ZFPM2: variants seen among roughly 807,000 people sequenced by gnomAD.
ZFPM2 encodes zinc finger protein, FOG family member 2.
ZFPM2 carries 20 observed loss-of-function variants against 98.6 expected under a neutral mutation model. The observed-to-expected ratio is 0.20, with a 90% CI of 0.14 to 0.29. ZFPM2 has a LOEUF of 0.29. Ranked by LOEUF, ZFPM2 falls within the 10% of genes least tolerant of loss-of-function variation. ZFPM2 has a pLI of 1.00. For synonymous variants in ZFPM2, 518 were observed against 502.7 expected (o/e 1.03, Z -0.41); for missense variants, 1,310 against 1,388.6 (o/e 0.94, Z 0.90).
rs77990129 is a variant in ZFPM2, at chr8:105,499,514, A to G, written c.301+55133A>G. 4.0e-3 allele frequency among the ~76,000 whole-genome samples: 602 copies of G among 152,326 alleles called. 5 individuals are homozygous for G. The highest frequency in any genetic ancestry group is 0.014 in the African/African-American group (581 of 41,580). ...AGAGGAATTTCAGGCAGTGAGTGTA[A>G]TAGATTGGAGTAAAATGTATCTGAA... On this transcript the variant is annotated intron_variant, in intron 3 of 7. Transcript: ENST00000407775.
rs76571961 is a variant in ZFPM2 at position 105,603,070 on chromosome 8, C to T, written c.421-31176C>T. On this transcript the variant is annotated intron_variant, in intron 4 of 7. Transcript: ENST00000407775. The stretch of plus-strand genomic sequence containing the variant: ...ATAGTGATTCATTTCATGATTTTTG[C>T]ATAGTGGAATAGTAGGCATTGTCTC... Among the ~76,000 whole-genome samples the T allele has an allele frequency of 8.0e-3, 1,220 of 152,146 alleles. 17 individuals are homozygous for T. The highest frequency in any genetic ancestry group is 0.014 in the Non-Finnish European group (959 of 67,982).
Position 105,619,544 on chromosome 8 carries a change from T to A in ZFPM2, c.421-14702T>A, listed in dbSNP as rs568121420. Among the ~76,000 whole-genome samples the A allele has an allele frequency of 4.6e-5, 7 of 152,254 alleles. No homozygotes were observed. The East Asian group carries it at 5.8e-4, about 13-fold the overall frequency. On this transcript the variant is annotated intron_variant, in intron 4 of 7. Transcript: ENST00000407775. ...TTATTTTATGATTTTTTAATTTTTTTAAATCATACTTTAAGTTCTAGGGTA... is the reference window on the plus strand; with the variant it reads ...TTATTTTATGATTTTTTAATTTTTTAAAATCATACTTTAAGTTCTAGGGTA...
chr8:105,692,537 A>G (rs567926670), intron 5 of ZFPM2, among the ~76,000 whole-genome samples: 3 of 152,340 alleles, frequency 2.0e-5, no homozygotes, highest in South Asian at 4.1e-4. Context: ...ATGTAATTCA[A>G]TGTAGCATGC....
At chr8:105,637,392 C>T (rs1441374714) in intron 5 of ZFPM2, among the ~76,000 whole-genome samples, 4 of 152,222 alleles carry the variant, frequency 2.6e-5, no homozygotes, top group African/African-American at 9.6e-5. Flanking sequence ...GAAAAAGCCC[C>T]ATGACCAAAT....
intron 3 of ZFPM2, among the ~76,000 whole-genome samples, chr8:105,480,594 G>A (rs900625625): frequency 1.3e-5 from 2 of 152,020 alleles, no homozygotes; most frequent in African/African-American, 4.8e-5. Context: ...TTATACAAGG[G>A]TGGACTACTG....
intron 6 of ZFPM2, among the ~76,000 whole-genome samples, chr8:105,794,978 G>T (rs1284982612): frequency 6.6e-6 from 1 of 152,108 alleles, no homozygotes; most frequent in African/African-American, 2.4e-5. Flanking sequence ...TCCAGGTGCC[G>T]TCTGTCACCC....
chr8:105,346,341 G>T (rs1379341453), intron 1 of ZFPM2, among the ~76,000 whole-genome samples: 1 of 150,634 alleles, frequency 6.6e-6, no homozygotes, highest in East Asian at 1.9e-4. Context: ...CCGAGATCAC[G>T]CCATTGCACT....
chr8:105,362,088 A>AT (rs1158501181), intron 1 of ZFPM2, among the ~76,000 whole-genome samples: 1 of 152,004 alleles, frequency 6.6e-6, no homozygotes, highest in Non-Finnish European at 1.5e-5. Context: ...TGTGCATACT[A>AT]TTTTTTTAAA....
chr8:105,657,385 C>T (rs1230336008), intron 5 of ZFPM2, among the ~76,000 whole-genome samples: 3 of 152,096 alleles, frequency 2.0e-5, no homozygotes, highest in African/African-American at 4.8e-5. Context: ...GTGATCCATC[C>T]GCCTCGGCCT....
At chr8:105,627,515 A>T (rs1257870306) in intron 4 of ZFPM2, among the ~76,000 whole-genome samples, 1 of 152,194 alleles carries the variant, frequency 6.6e-6, no homozygotes, top group Admixed American at 6.5e-5. Context: ...CTGCCTAGAT[A>T]CAGACAAAAT....
chr8:105,764,904 C>G (rs1693043906), intron 5 of ZFPM2, among the ~76,000 whole-genome samples: 2 of 151,886 alleles, frequency 1.3e-5, no homozygotes, highest in Middle Eastern at 6.8e-3. Context: ...TTTGATTTAC[C>G]TGTCTCCACC....
In ZFPM2 at chr8:105,632,689, T is replaced by G. The variant is rs79822748; in HGVS notation, c.421-1557T>G. On this transcript the variant is annotated intron_variant, in intron 4 of 7. Coordinates refer to ENST00000407775, the MANE Select transcript of ZFPM2 (RefSeq NM_012082.4). Reference sequence around the variant, plus strand: ...AACTTGATAACATTTTTGTCTATATTGTTAAAATATACGTAGAATATAAAA... The same window carrying G: ...AACTTGATAACATTTTTGTCTATATGGTTAAAATATACGTAGAATATAAAA... 5.9e-3 allele frequency among the ~76,000 whole-genome samples: 904 copies of G among 152,312 alleles called. 6 individuals carry two copies. The highest frequency in any genetic ancestry group is 0.018 in the African/African-American group (734 of 41,562).
chr8:105,385,942 C>T (rs1273521396), intron 1 of ZFPM2, among the ~76,000 whole-genome samples: 1 of 152,118 alleles, frequency 6.6e-6, no homozygotes, highest in Non-Finnish European at 1.5e-5. Context: ...GTTCTGCAGC[C>T]CACCTCCATG....
intron 5 of ZFPM2, among the ~76,000 whole-genome samples, chr8:105,778,741 A>G (rs898041677): frequency 1.3e-5 from 2 of 152,158 alleles, no homozygotes; most frequent in African/African-American, 2.4e-5. Flanking sequence ...TGCTGTAGCA[A>G]TTTAGTATAT....
intron 3 of ZFPM2, among the ~76,000 whole-genome samples, chr8:105,468,343 T>A (rs1812833075): frequency 6.6e-6 from 1 of 152,078 alleles, no homozygotes; most frequent in African/African-American, 2.4e-5. Context: ...CCACTTCTGA[T>A]CAGGGAACAA....
At chr8:105,341,388 A>G (rs1282587103) in intron 1 of ZFPM2, among the ~76,000 whole-genome samples, 1 of 151,874 alleles carries the variant, frequency 6.6e-6, no homozygotes. Flanking sequence ...AAAATATTGC[A>G]TTATGATATT....
chr8:105,450,631 C>T (rs764251881), intron 3 of ZFPM2, among the ~76,000 whole-genome samples: 15 of 151,968 alleles, frequency 9.9e-5, no homozygotes, highest in Non-Finnish European at 1.9e-4. Flanking sequence ...GAGCTCTGTA[C>T]CACTATAATG....
intron 7 of ZFPM2, among the ~76,000 whole-genome samples, chr8:105,799,950 G>T (rs961532968): frequency 2.0e-5 from 3 of 152,124 alleles, no homozygotes; most frequent in African/African-American, 7.2e-5. Context: ...TTTCCTTTCT[G>T]CTCATCCTCT....
chr8:105,412,511 CTCTGG>C (rs1811596686), intron 1 of ZFPM2, among the ~76,000 whole-genome samples: 1 of 151,538 alleles, frequency 6.6e-6, no homozygotes, highest in Non-Finnish European at 1.5e-5. Flanking sequence ...CCATATGATT[CTCTGG>C]TCTGCTACCT....
Sources: gnomAD v4.1 joint callset for allele counts (sites outside exome capture counted in the v4.1 genomes callset) on GRCh38, gnomAD v4.1.1 for gene constraint, MANE v1.5 for transcripts, NCBI Gene and HGNC (gene_info 2026-07-23, HGNC 2026-07-21) for gene names.